Variants in ORC2 observed in about 807,000 individuals in gnomAD.
ORC2 encodes origin recognition complex protein 2 homolog.
Under a neutral mutation model 77.7 loss-of-function variants are expected in ORC2, and 37 were observed. The ratio of observed to expected loss-of-function variants is 0.48; its 90% CI spans 0.37 to 0.63. The LOEUF is 0.63. Ranked by LOEUF, ORC2 falls within the 20% of genes least tolerant of loss-of-function variation. ORC2 has a pLI of 0.00. For missense variants in ORC2, 557 were observed against 661.9 expected, an observed-to-expected ratio of 0.84 and a Z score of 1.74; for synonymous variants, 201 against 229.5, an observed-to-expected ratio of 0.88 and a Z score of 1.12.
chr2:200,909,065 TTATAAAAATAAACCAGTAGA>T lies in ORC2; in HGVS notation c.*2216_*2235del, dbSNP rs2040512529. Reference sequence around the variant, plus strand: ...CTTGCAAATAGTATAGACACAAAAATTATAAAAATAAACCAGTAGATATTTAGGGCAGATGCAAAAATTTG... The same window carrying T: ...CTTGCAAATAGTATAGACACAAAAATTATTTAGGGCAGATGCAAAAATTTG... On this transcript the variant is annotated 3_prime_UTR_variant, in exon 18 of 18. Coordinates refer to ENST00000234296, the MANE Select transcript of ORC2 (RefSeq NM_006190.5). 6.6e-6 allele frequency: 1 copy of T among 152,086 alleles called. No individual in the cohort carries two copies. The highest frequency in any genetic ancestry group is 6.6e-5 in the Admixed American group (1 of 15,252). 9.4% of individuals were successfully genotyped at this position (152,086 alleles called of 1,614,324 possible).
At chr2:200,955,048 C>T (rs2041443666) in intron 4 of ORC2, among the ~76,000 whole-genome samples, 1 of 152,138 alleles carries the variant, frequency 6.6e-6, no homozygotes, top group Admixed American at 6.5e-5. Flanking sequence ...TGTCCTTGGT[C>T]TGCAGCATCC....
Position 200,928,261 on chromosome 2 carries a change from C to T in ORC2, c.918-1361G>A, listed in dbSNP as rs16835834. ...ATCCCAGCTACTTGGGAGGCTGAGG[C>T]AGGAGAATTGCTTGAACCTGGGAGG... On this transcript the variant is annotated intron_variant, in intron 11 of 17. Coordinates refer to ENST00000234296, the MANE Select transcript of ORC2 (RefSeq NM_006190.5). Among the ~76,000 whole-genome samples the T allele has an allele frequency of 9.7e-3, 1,463 of 151,144 alleles. 19 individuals carry two copies. The highest frequency in any genetic ancestry group is 0.034 in the African/African-American group (1,397 of 40,866).
chr2:200,916,617 A>C (rs1039341559), intron 15 of ORC2, among the ~76,000 whole-genome samples: 2 of 152,248 alleles, frequency 1.3e-5, no homozygotes, highest in Non-Finnish European at 2.9e-5. Context: ...ATTATTAGTA[A>C]TAACAAAACA....
intron 13 of ORC2, among the ~76,000 whole-genome samples, chr2:200,921,968 A>G (rs924658861): frequency 6.6e-6 from 1 of 152,150 alleles, no homozygotes; most frequent in Non-Finnish European, 1.5e-5. Context: ...GGCATGGGAA[A>G]TAGGCAAGAT....
At chr2:200,914,359 G>T (rs2040604296) in intron 15 of ORC2, among the ~76,000 whole-genome samples, 1 of 151,876 alleles carries the variant, frequency 6.6e-6, no homozygotes, top group African/African-American at 2.4e-5. Flanking sequence ...GTAGAGATGG[G>T]GTTTCACCGT....
Position 200,963,394 on chromosome 2 carries a change from A to G in ORC2, c.-60+96T>C, listed in dbSNP as rs1446143540. On this transcript the variant is annotated intron_variant, in intron 1 of 17. Coordinates refer to ENST00000234296, the MANE Select transcript of ORC2 (RefSeq NM_006190.5). The stretch of plus-strand genomic sequence containing the variant: ...GCGCGACTTGGGACGCTAGGGGCCA[A>G]GCTCCGACGCGGGGCTGGGTGCACC... 4 of 398,338 alleles carry G rather than the reference A, an allele frequency of 1.0e-5. No individual in the cohort carries two copies. The East Asian group carries it at 1.4e-4, about 14-fold the overall frequency. 24.7% of individuals were successfully genotyped at this position (398,338 alleles called of 1,614,324 possible). A position where few individuals can be genotyped will look rare whatever the true frequency, so the allele number is the denominator to read the frequency against.
chr2:200,950,971 T>C (rs955431692), intron 4 of ORC2, among the ~76,000 whole-genome samples: 1 of 152,340 alleles, frequency 6.6e-6, no homozygotes, highest in South Asian at 2.1e-4. Flanking sequence ...AAAAATATCT[T>C]CTTTACGCTG....
chr2:200,927,424 G>C lies in ORC2; in HGVS notation c.918-524C>G, dbSNP rs1170996743. On this transcript the variant is annotated intron_variant, in intron 11 of 17. Coordinates refer to ENST00000234296, the MANE Select transcript of ORC2 (RefSeq NM_006190.5). ...TAAAAAAAAAATTAGGTCAGGTGCG[G>C]TGGCTCACGCCTGTAATCCCAGCAC... 5.3e-5 allele frequency among the ~76,000 whole-genome samples: 8 copies of C among 151,668 alleles called. No homozygotes were observed. The East Asian group carries it at 1.6e-3, about 30-fold the overall frequency.
rs752737313 is a variant in ORC2, at chr2:200,911,276, G to T, written c.*25C>A. ...GCAGCTGGGGTACAACCCTTCCATGGGAGATTCAAGAATAAAGGAAAGCTT... is the reference window on the plus strand; with the variant it reads ...GCAGCTGGGGTACAACCCTTCCATGTGAGATTCAAGAATAAAGGAAAGCTT... On this transcript the variant is annotated 3_prime_UTR_variant, in exon 18 of 18. Transcript: ENST00000234296. 2.1e-6 allele frequency: 3 copies of T among 1,416,620 alleles called. No individual in the cohort carries two copies. Among genetic ancestry groups the T allele is most frequent in the Non-Finnish European group, 3.0e-6 (3 of 1,000,802 alleles). The allele number at this position is 1,416,620 out of a possible 1,614,324, so 87.8% of individuals were successfully genotyped here.
rs775487804 is a variant in ORC2, at chr2:200,920,352, A to G, written c.1336T>C (p.Tyr446His). 13 of 1,609,262 alleles carry G rather than the reference A, an allele frequency of 8.1e-6. No homozygotes were observed. The highest frequency in any genetic ancestry group is 3.3e-4 in the Middle Eastern group (2 of 6,050). ...AKQSLFNWLW[Y>H]ETTTYSPYTE... ...TAAGGACTGTATGTAGTAGTTTCAT[A>G]CCAGAGCCAGTTAAAAAGACTCTGC... The change falls in exon 15 of 18, where the codon TAT becomes CAT. Residue 446 changes from tyrosine (Y) to histidine (H), a missense_variant. Transcript: ENST00000234296.
chr2:200,934,350 T>G (rs56088875), intron 9 of ORC2, among the ~76,000 whole-genome samples: 3,059 of 152,180 alleles, frequency 0.02, 58 homozygotes, highest in Admixed American at 0.027. Flanking sequence ...GGTCTCACTC[T>G]GTCACCCAGG....
At chr2:200,958,627 A>C (rs888160839) in intron 2 of ORC2, among the ~76,000 whole-genome samples, 1 of 152,058 alleles carries the variant, frequency 6.6e-6, no homozygotes, top group African/African-American at 2.4e-5. Flanking sequence ...GGATCAAAAA[A>C]CCCTCAAGCA....
chr2:200,914,078 G>T (rs1192045504), intron 15 of ORC2, 86 bp from the exon 16 acceptor site: 2 of 809,380 alleles, frequency 2.5e-6, no homozygotes, highest in East Asian at 2.8e-5. Flanking sequence ...CAAAGAAAAT[G>T]TCAAGTAGTT....
intron 7 of ORC2, 106 bp from the exon 8 acceptor site, chr2:200,938,072 C>T: frequency 1.5e-6 from 1 of 680,518 alleles, no homozygotes. Flanking sequence ...CAATAGACTG[C>T]ATTAGAACTA....
chr2:200,912,503 C>G (rs2040568250), intron 17 of ORC2, among the ~76,000 whole-genome samples: 1 of 152,172 alleles, frequency 6.6e-6, no homozygotes, highest in African/African-American at 2.4e-5. Context: ...GCAGCCTTCA[C>G]CTCCCAGGCT....
intron 8 of ORC2, among the ~76,000 whole-genome samples, chr2:200,936,209 G>C (rs914259214): frequency 1.3e-5 from 2 of 152,116 alleles, no homozygotes; most frequent in Non-Finnish European, 2.9e-5. Context: ...CCTCTTCCTT[G>C]CTAACAGAAC....
intron 2 of ORC2, 134 bp from the exon 3 acceptor site, chr2:200,958,267 C>A: frequency 3.5e-6 from 2 of 565,780 alleles, no homozygotes; most frequent in South Asian, 2.4e-5. Context: ...ATACATTATG[C>A]ATTACTGTAT....
intron 4 of ORC2, among the ~76,000 whole-genome samples, chr2:200,955,108 G>C (rs1288574301): frequency 6.6e-6 from 1 of 152,086 alleles, no homozygotes; most frequent in Non-Finnish European, 1.5e-5. Flanking sequence ...TGTGAGTGCT[G>C]TTATGTGAGA....
chr2:200,940,485 A>G (rs1346347823), intron 7 of ORC2, among the ~76,000 whole-genome samples: 11 of 152,194 alleles, frequency 7.2e-5, no homozygotes, highest in African/African-American at 2.7e-4. Context: ...TTGAAAAGGC[A>G]TAATGAGAAA....
Sources: allele counts gnomAD v4.1 joint callset (sites outside exome capture counted in the v4.1 genomes callset), GRCh38; gene constraint gnomAD v4.1.1; transcripts MANE v1.5; gene names NCBI Gene and HGNC (gene_info 2026-07-23, HGNC 2026-07-21).